ESRRA: variants seen among roughly 807,000 people sequenced by gnomAD.
ESRRA encodes steroid hormone receptor ERR1.
In ESRRA, 7 loss-of-function variants were observed where a neutral mutation model predicts 35.6. That is an observed-to-expected ratio of 0.20 (90% CI 0.11 to 0.37). The LOEUF is 0.37. Among genes scored for constraint, ESRRA ranks in the 10% least tolerant of loss-of-function variants. The pLI is 1.00. For synonymous variants in ESRRA, 223 were observed against 246.9 expected, an observed-to-expected ratio of 0.90 and a Z score of 0.91; for missense variants, 378 against 561.7, an observed-to-expected ratio of 0.67 and a Z score of 3.31.
At chr11:64,306,122 C>T (rs1324891667) in intron 1 of ESRRA, 1 of 152,236 alleles carries the variant, frequency 6.6e-6, no homozygotes, top group East Asian at 1.9e-4. Context: ...TGGGGGCGCT[C>T]GAAGGGGCCT....
chr11:64,315,936 C>T lies in ESRRA; in HGVS notation c.1242C>T (p.Phe414=), dbSNP rs2035247540. Residue 414 remains phenylalanine, a synonymous_variant, in exon 7 of 7, where the codon TTC becomes TTT. Transcript: ENST00000000442. ...LEGKVPMHKL[F]LEMLEAMMD is the part of the protein sequence containing the mutation. ...GCAAGGTGCCCATGCACAAGCTGTT[C>T]TTGGAGATGCTCGAGGCCATGATGG... 6.3e-7 allele frequency: 1 copy of T among 1,585,236 alleles called. No homozygotes were observed. Among genetic ancestry groups the T allele is most frequent in the South Asian group, 1.1e-5 (1 of 87,762 alleles).
At chr11:64,308,561 A>T (rs1220046414) in intron 2 of ESRRA, among the ~76,000 whole-genome samples, 1 of 146,606 alleles carries the variant, frequency 6.8e-6, no homozygotes, top group East Asian at 2.0e-4. Flanking sequence ...TGGCTCATGT[A>T]ATCCCAGCAC....
intron 3 of ESRRA, 73 bp downstream of exon 3, chr11:64,314,140 G>A (rs2035193148): frequency 1.9e-6 from 3 of 1,550,756 alleles, no homozygotes; most frequent in Admixed American, 3.7e-5. Context: ...TGAGGCCTGG[G>A]AGTTCTGGTG....
rs566369488 is a variant in ESRRA at position 64,307,730 on chromosome 11, C to T, written c.325+226C>T. Among the ~76,000 whole-genome samples the T allele has an allele frequency of 3.2e-4, 48 of 152,326 alleles. 3 individuals are homozygous for T. In the South Asian group the frequency reaches 1.0e-2, roughly 32 times the overall value. On this transcript the variant is annotated intron_variant, in intron 2 of 6. Transcript: ENST00000000442. The stretch of plus-strand genomic sequence containing the variant: ...GTGAGTTCAGGGTACCACCTGGGTA[C>T]TCTAGGCCCAGCACCTTCTACAGTG...
chr11:64,306,869 G>T, intron 1 of ESRRA: 1 of 290,310 alleles, frequency 3.4e-6, no homozygotes, highest in East Asian at 6.0e-5. Context: ...GTTGCCTGGG[G>T]GCTACGGTTA....
At chr11:64,309,954 A>C (rs922606510) in intron 2 of ESRRA, among the ~76,000 whole-genome samples, 4 of 149,250 alleles carry the variant, frequency 2.7e-5, no homozygotes, top group African/African-American at 2.5e-5. Flanking sequence ...AAAAAAAAAA[A>C]TCTTGAGTGC....
chr11:64,312,691 G>A (rs756270554), intron 2 of ESRRA, among the ~76,000 whole-genome samples: 7 of 152,206 alleles, frequency 4.6e-5, no homozygotes, highest in South Asian at 2.1e-4. Context: ...CATATGCAGC[G>A]TGGTCTGTTG....
chr11:64,314,125 G>C (rs753225267), intron 3 of ESRRA, 58 bp downstream of exon 3: 142 of 1,549,994 alleles, frequency 9.2e-5, no homozygotes, highest in Non-Finnish European at 1.2e-4. Flanking sequence ...CGGGCCAGGT[G>C]GGGGTGAGGC....
rs772101514 is a variant in ESRRA at position 64,307,393 on chromosome 11, A to C, written c.214A>C (p.Ser72Arg). 1 of 1,598,978 alleles carries C rather than the reference A, an allele frequency of 6.3e-7. No individual in the cohort carries two copies. The highest frequency in any genetic ancestry group is 1.1e-5 in the South Asian group (1 of 89,870). Residue 72 changes from serine to arginine, a missense_variant, in exon 2 of 7, where the codon AGC becomes CGC. By Grantham distance (110) the Ser-to-Arg change is moderately radical. Transcript: ENST00000000442. ...GCAGGGCGGTGGGAAGCTGGTGCTC[A>C]GCTCCCTGCCCAAGCGCCTCTGCCT... ...GEQGGGKLVL[S>R]SLPKRLCLVC...
intron 2 of ESRRA, among the ~76,000 whole-genome samples, chr11:64,307,922 T>C (rs1242057972): frequency 6.6e-6 from 1 of 151,894 alleles, no homozygotes; most frequent in Admixed American, 6.6e-5. Context: ...AGACAGAGTC[T>C]CACTCTGTTG....
At chr11:64,315,654 G>T in intron 6 of ESRRA, 53 bp from the exon 7 acceptor site, 1 of 1,600,382 alleles carries the variant, frequency 6.2e-7, no homozygotes, top group South Asian at 1.1e-5. Context: ...GATACGGGGA[G>T]TGCCCTTGCC....
At chr11:64,311,377 G>A (rs924059532) in intron 2 of ESRRA, among the ~76,000 whole-genome samples, 16 of 151,940 alleles carry the variant, frequency 1.1e-4, no homozygotes, top group African/African-American at 3.6e-4. Context: ...GTATGTGCAG[G>A]AAGGGGAGGT....
chr11:64,315,560 C>G (rs41294420), intron 6 of ESRRA, 147 bp from the exon 7 acceptor site: 2 of 1,185,738 alleles, frequency 1.7e-6, no homozygotes, highest in African/African-American at 3.0e-5. Flanking sequence ...GCCCACGAGC[C>G]GCAGCAATGA....
chr11:64,311,471 A>G (rs1806967), intron 2 of ESRRA, among the ~76,000 whole-genome samples: 8,465 of 148,290 alleles, frequency 0.057, 333 homozygotes, highest in Middle Eastern at 0.15. Flanking sequence ...GCTAGAGTCC[A>G]GTGGCGCGAT....
chr11:64,307,547 C>T (rs765798256), intron 2 of ESRRA, 43 bp downstream of exon 2: 5 of 1,408,204 alleles, frequency 3.6e-6, no homozygotes, highest in Non-Finnish European at 4.7e-6. Context: ...CCTGCACCCT[C>T]TGGGTACACT....
rs1255622988 is a variant in ESRRA at position 64,314,308 on chromosome 11, C to T, written c.512C>T (p.Pro171Leu). Reference sequence around the variant, plus strand: ...CGGCGGCCGGAGGTGGACCCACTGCCCTTCCCGGGCCCCTTCCCTGCTGGG... The same window carrying T: ...CGGCGGCCGGAGGTGGACCCACTGCTCTTCCCGGGCCCCTTCCCTGCTGGG... ...YKRRPEVDPL[P>L]FPGPFPAGPL... The change falls in exon 4 of 7, where the codon CCC becomes CTC. Residue 171 changes from proline (P) to leucine (L), a missense_variant. Physicochemically the swap from Pro to Leu is moderately conservative, Grantham distance 98. This residue lies in a region of ESRRA where 284 missense variants were observed against 411.7 expected (regional missense o/e 0.69). Coordinates refer to ENST00000000442, the MANE Select transcript of ESRRA (RefSeq NM_004451.5). 2 of 1,609,418 alleles carry T rather than the reference C, an allele frequency of 1.2e-6. No homozygotes were observed. The highest frequency in any genetic ancestry group is 1.7e-6 in the Non-Finnish European group (2 of 1,178,454).
chr11:64,309,539 C>G (rs1347986988), intron 2 of ESRRA, among the ~76,000 whole-genome samples: 1 of 151,022 alleles, frequency 6.6e-6, no homozygotes, highest in Non-Finnish European at 1.5e-5. Context: ...GAGCAAGATG[C>G]TGACATTAAG....
rs2035211281 is a variant in ESRRA at position 64,314,874 on chromosome 11, G to A, written c.705G>A (p.Glu235=). Residue 235 remains glutamate, a synonymous_variant, in exon 5 of 7, where the codon GAG becomes GAA. Transcript: ENST00000000442. Reference sequence around the variant, plus strand: ...CCCTCTGTGACCTCTTTGACCGAGAGATTGTGGTCACCATCAGCTGGGCCA... The same window carrying A: ...CCCTCTGTGACCTCTTTGACCGAGAAATTGTGGTCACCATCAGCTGGGCCA... ...VATLCDLFDR[E]IVVTISWAKS... is the part of the protein sequence containing the mutation. The A allele has an allele frequency of 1.2e-6, 2 of 1,612,502 alleles. No homozygotes were observed. The highest frequency in any genetic ancestry group is 1.3e-5 in the African/African-American group (1 of 75,056).
chr11:64,312,507 G>A (rs2035161582), intron 2 of ESRRA, among the ~76,000 whole-genome samples: 1 of 152,200 alleles, frequency 6.6e-6, no homozygotes, highest in Non-Finnish European at 1.5e-5. Flanking sequence ...GAGGAGAAAT[G>A]TGCTGCGGGC....
Sources: allele counts gnomAD v4.1 joint callset (sites outside exome capture counted in the v4.1 genomes callset), GRCh38; gene constraint gnomAD v4.1.1; regional missense constraint gnomAD v4.1.1; transcripts MANE v1.5; gene names NCBI Gene and HGNC (gene_info 2026-07-23, HGNC 2026-07-21).